Variants in CFAP57 observed in about 807,000 individuals in gnomAD.
CFAP57 encodes cilia and flagella associated protein 57.
CFAP57 carries 116 observed loss-of-function variants against 146.8 expected under a neutral mutation model. That is an observed-to-expected ratio of 0.79 (90% confidence interval 0.68 to 0.92). The LOEUF (loss-of-function observed/expected upper bound fraction) is 0.92, where lower values mean the gene tolerates loss of function less well. Among genes scored for constraint, CFAP57 ranks in the 40% least tolerant of loss-of-function variants. CFAP57 has a pLI of 0.00. For missense variants in CFAP57, 1,377 were observed against 1,527.2 expected (o/e 0.90, Z 1.64); for synonymous variants, 518 against 552.8 (o/e 0.94, Z 0.88).
At position 43,234,353 on chromosome 1, in the gene CFAP57, G is replaced by A. The variant is rs1425023502; in HGVS notation, c.3201G>A (p.Pro1067=). 5 of 1,550,344 alleles carry A rather than the reference G, an allele frequency of 3.2e-6. No homozygotes were observed. The highest frequency in any genetic ancestry group is 1.4e-5 in the African/African-American group (1 of 73,022). The change falls in exon 20 of 23, where the codon CCG becomes CCA. Residue 1067 remains proline, a synonymous_variant. Coordinates refer to ENST00000372492, the MANE Select transcript of CFAP57 (RefSeq NM_001378189.1). ...LHNCVAYIQE[P]RLLKEKVRGL... ...ACTGCGTAGCCTATATTCAGGAACC[G>A]CGGCTGCTGAAGGAGAAGGTTCGAG...
At chr1:43,219,709 G>C in intron 13 of CFAP57, 172 bp downstream of exon 13, 1 of 787,132 alleles carries the variant, frequency 1.3e-6, no homozygotes, top group Non-Finnish European at 1.9e-6. Flanking sequence ...AGGCACAGTG[G>C]CTCATGCCTG....
At chr1:43,202,425 A>T (rs572938475) in intron 9 of CFAP57, among the ~76,000 whole-genome samples, 12 of 152,332 alleles carry the variant, frequency 7.9e-5, no homozygotes, top group Admixed American at 7.8e-4. Flanking sequence ...GAGTGTGGAG[A>T]TACCAACAAC....
At chr1:43,245,497 C>A (rs1646081841) in intron 22 of CFAP57, among the ~76,000 whole-genome samples, 1 of 152,102 alleles carries the variant, frequency 6.6e-6, no homozygotes, top group Non-Finnish European at 1.5e-5. Context: ...GGACCCCAGT[C>A]CCCTACTTCC....
At chr1:43,217,997 C>T (rs1406523734) in intron 12 of CFAP57, among the ~76,000 whole-genome samples, 4 of 152,196 alleles carry the variant, frequency 2.6e-5, no homozygotes, top group Non-Finnish European at 5.9e-5. Flanking sequence ...TCCATCCTCT[C>T]TGACTTTGCA....
intron 21 of CFAP57, among the ~76,000 whole-genome samples, chr1:43,240,534 T>A (rs1645872234): frequency 6.6e-6 from 1 of 152,068 alleles, no homozygotes; most frequent in Non-Finnish European, 1.5e-5. Context: ...CCTGGGTTGG[T>A]TCAAAGGGTA....
chr1:43,224,975 G>A (rs1176473219), intron 17 of CFAP57, among the ~76,000 whole-genome samples: 1 of 152,176 alleles, frequency 6.6e-6, no homozygotes, highest in East Asian at 1.9e-4. Flanking sequence ...AAGGGGTCTT[G>A]TAAGGATCAC....
Position 43,232,867 on chromosome 1 carries a change from T to C in CFAP57, c.3126+243T>C, listed in dbSNP as rs575692939. Among the ~76,000 whole-genome samples, 9 of 152,338 alleles carry C rather than the reference T, an allele frequency of 5.9e-5. No homozygotes were observed. In the East Asian group the frequency reaches 1.7e-3, roughly 29 times the overall value. ...TGATCAAGGAGGTGGGAAGCCAGCA[T>C]GGCAGGAATATTTGTAGCATTTGGC... On this transcript the variant is annotated intron_variant, in intron 19 of 22. Coordinates refer to ENST00000372492, the MANE Select transcript of CFAP57 (RefSeq NM_001378189.1).
intron 2 of CFAP57, among the ~76,000 whole-genome samples, chr1:43,176,298 C>T (rs1191681190): frequency 6.6e-6 from 1 of 152,104 alleles, no homozygotes; most frequent in Non-Finnish European, 1.5e-5. Flanking sequence ...CACTGTATCC[C>T]ACTTAATGGT....
chr1:43,181,654 C>G lies in CFAP57; in HGVS notation c.278C>G (p.Pro93Arg). The G allele has an allele frequency of 6.2e-7, 1 of 1,614,234 alleles. No homozygotes were observed. The highest frequency in any genetic ancestry group is 8.5e-7 in the Non-Finnish European group (1 of 1,180,042). Reference sequence around the variant, plus strand: ...ACCATTTATGAATTGTCATCCATCCCTTGCCGGAAGCGCAAAGTTCTTAAT... The same window carrying G: ...ACCATTTATGAATTGTCATCCATCCGTTGCCGGAAGCGCAAAGTTCTTAAT... ...AITIYELSSI[P>R]CRKRKVLNNF... The change falls in exon 3 of 23, where the codon CCT becomes CGT. Residue 93 changes from proline (P) to arginine (R), a missense_variant. Transcript: ENST00000372492.
intron 11 of CFAP57, 27 bp from the exon 12 acceptor site, chr1:43,215,228 C>T: frequency 6.4e-7 from 1 of 1,550,830 alleles, no homozygotes; most frequent in Non-Finnish European, 8.7e-7. Context: ...TTGAAAGCTT[C>T]CTGGCCATGA....
chr1:43,189,110 C>T (rs976013483), intron 6 of CFAP57, among the ~76,000 whole-genome samples: 12 of 152,202 alleles, frequency 7.9e-5, no homozygotes, highest in Non-Finnish European at 5.9e-5. Flanking sequence ...ATCTGTCTAT[C>T]TTTATGCCAG....
chr1:43,186,755 G>A lies in CFAP57; in HGVS notation c.1018G>A (p.Asp340Asn). The change falls in exon 6 of 23, where the codon GAC becomes AAC. Residue 340 changes from aspartate to asparagine, a missense_variant. Physicochemically the swap from Asp to Asn is conservative, Grantham distance 23. Coordinates refer to ENST00000372492, the MANE Select transcript of CFAP57 (RefSeq NM_001378189.1). ...SNDPSQSDKQ[D>N]VLCLCFSPSE... The stretch of plus-strand genomic sequence containing the variant: ...TGATCCAAGTCAGTCTGACAAACAG[G>A]ACGTTCTCTGCCTGTGCTTCAGCCC... The A allele has an allele frequency of 6.2e-7, 1 of 1,614,128 alleles. No homozygotes were observed. The highest frequency in any genetic ancestry group is 1.1e-5 in the South Asian group (1 of 91,086).
intron 9 of CFAP57, among the ~76,000 whole-genome samples, chr1:43,200,598 C>G (rs1299418694): frequency 6.6e-6 from 1 of 151,818 alleles, no homozygotes; most frequent in Admixed American, 6.6e-5. Context: ...GAGGGAGAGG[C>G]ATAGAAAGGG....
chr1:43,238,066 T>C lies in CFAP57; in HGVS notation c.3405+3428T>C, dbSNP rs1168106896. Among the ~76,000 whole-genome samples, 1 of 152,054 alleles carries C rather than the reference T, an allele frequency of 6.6e-6. No individual in the cohort carries two copies. The highest frequency in any genetic ancestry group is 2.4e-5 in the African/African-American group (1 of 41,380). On this transcript the variant is annotated intron_variant, in intron 21 of 22. Transcript: ENST00000372492. The surrounding 1 kb of genome is among the most constrained non-coding windows in gnomAD (Gnocchi z 4.3). Reference sequence around the variant, plus strand: ...AGAAATGACAAATAGAAATGTCAGGTTAGACATGGGAGGAAGGTTGAAAGA... The same window carrying C: ...AGAAATGACAAATAGAAATGTCAGGCTAGACATGGGAGGAAGGTTGAAAGA...
At chr1:43,231,766 G>A (rs921770032) in intron 18 of CFAP57, among the ~76,000 whole-genome samples, 1 of 152,048 alleles carries the variant, frequency 6.6e-6, no homozygotes, top group African/African-American at 2.4e-5. Flanking sequence ...TACTCGGGAG[G>A]CTGAGGCTAG....
intron 11 of CFAP57, among the ~76,000 whole-genome samples, chr1:43,213,835 T>C (rs1570141940): frequency 6.6e-6 from 1 of 152,248 alleles, no homozygotes; most frequent in East Asian, 1.9e-4. Flanking sequence ...CATATACCTG[T>C]TGGCCATTTG....
At position 43,222,226 on chromosome 1, in the gene CFAP57, C is replaced by T; in HGVS notation, c.2463C>T (p.Ser821=). Residue 821 remains serine, a synonymous_variant, in exon 15 of 23, where the codon AGC becomes AGT. Coordinates refer to ENST00000372492, the MANE Select transcript of CFAP57 (RefSeq NM_001378189.1). ...KQLRDNDETK[S]QALEELTEFY... ...TCCGGGATAACGATGAGACCAAGAGCCAGGCCCTGGAGGAGCTGACTGAGT... is the reference window on the plus strand; with the variant it reads ...TCCGGGATAACGATGAGACCAAGAGTCAGGCCCTGGAGGAGCTGACTGAGT... 1 of 1,518,174 alleles carries T rather than the reference C, an allele frequency of 6.6e-7. No homozygotes were observed. The highest frequency in any genetic ancestry group is 1.3e-5 in the South Asian group (1 of 78,372). 94.0% of individuals were successfully genotyped at this position (1,518,174 alleles called of 1,614,324 possible).
Position 43,206,889 on chromosome 1 carries a change from C to T in CFAP57, c.1712C>T (p.Ala571Val). 1.2e-6 allele frequency: 2 copies of T among 1,614,144 alleles called. No individual in the cohort carries two copies. Among genetic ancestry groups the T allele is most frequent in the Non-Finnish European group, 1.7e-6 (2 of 1,180,032 alleles). The change falls in exon 10 of 23, where the codon GCT becomes GTT. Residue 571 changes from alanine (A) to valine (V), a missense_variant. Physicochemically the swap from Ala to Val is moderately conservative, Grantham distance 64. Coordinates refer to ENST00000372492, the MANE Select transcript of CFAP57 (RefSeq NM_001378189.1). The part of the protein sequence containing the change: ...TVSPDAKIIF[A>V]VGSDHTLKEI... ...TCCCCCGATGCCAAAATTATCTTTG[C>T]TGTTGGATCAGACCACACCCTCAAG...
At chr1:43,243,741 C>T (rs1363499980) in intron 22 of CFAP57, among the ~76,000 whole-genome samples, 2 of 152,130 alleles carry the variant, frequency 1.3e-5, no homozygotes, top group African/African-American at 4.8e-5. Flanking sequence ...TTTAAAAAAG[C>T]ACTCTGTTTT....
Sources: allele counts gnomAD v4.1 joint callset (sites outside exome capture counted in the v4.1 genomes callset), GRCh38; gene constraint gnomAD v4.1.1; non-coding constraint Gnocchi (gnomAD v3.1); transcripts MANE v1.5; gene names NCBI Gene and HGNC (gene_info 2026-07-23, HGNC 2026-07-21).